HPSE2: variants seen among roughly 807,000 people sequenced by gnomAD.
HPSE2 encodes the protein inactive heparanase-2.
HPSE2 carries 38 observed loss-of-function variants against 60.5 expected under a neutral mutation model. The ratio of observed to expected loss-of-function variants is 0.63; its 90% CI spans 0.48 to 0.82. The LOEUF is 0.82. HPSE2 is among the 40% of genes least tolerant of loss of function. HPSE2 has a pLI of 0.00. For synonymous variants in HPSE2, 295 were observed against 293.2 expected, an observed-to-expected ratio of 1.01 and a Z score of -0.06; for missense variants, 713 against 740.4, an observed-to-expected ratio of 0.96 and a Z score of 0.43.
intron 3 of HPSE2, among the ~76,000 whole-genome samples, chr10:98,895,083 A>C (rs1412261378): frequency 6.6e-6 from 1 of 152,148 alleles, no homozygotes; most frequent in Non-Finnish European, 1.5e-5. Flanking sequence ...AGTTTAAAAA[A>C]AATTTAGGAG....
At chr10:99,151,015 A>C (rs1846240763) in intron 2 of HPSE2, among the ~76,000 whole-genome samples, 1 of 152,188 alleles carries the variant, frequency 6.6e-6, no homozygotes, top group Non-Finnish European at 1.5e-5. Context: ...CTAAAAAATA[A>C]AAATAAAAAT....
chr10:98,741,092 T>C (rs1477814696), intron 4 of HPSE2, among the ~76,000 whole-genome samples: 1 of 152,162 alleles, frequency 6.6e-6, no homozygotes, highest in Non-Finnish European at 1.5e-5. Flanking sequence ...TTAATAATCA[T>C]TTATTATTTA....
At chr10:98,694,580 A>C (rs1005294239) in intron 5 of HPSE2, among the ~76,000 whole-genome samples, 1 of 152,132 alleles carries the variant, frequency 6.6e-6, no homozygotes, top group Non-Finnish European at 1.5e-5. Flanking sequence ...GGTAAACCAG[A>C]CTTGGTTCCG....
chr10:98,790,005 A>G (rs1950621860), intron 3 of HPSE2, among the ~76,000 whole-genome samples: 2 of 152,160 alleles, frequency 1.3e-5, no homozygotes, highest in South Asian at 4.2e-4. Flanking sequence ...AGGCTGAGTC[A>G]GGATAGAGTC....
intron 3 of HPSE2, among the ~76,000 whole-genome samples, chr10:99,039,316 TAA>T (rs976519999): frequency 3.4e-4 from 51 of 152,196 alleles, no homozygotes; most frequent in African/African-American, 1.2e-3. Context: ...TACATAGATC[TAA>T]GTTTTCACTC....
At chr10:98,460,749 C>A (rs572533668) in intron 11 of HPSE2, among the ~76,000 whole-genome samples, 5 of 152,324 alleles carry the variant, frequency 3.3e-5, no homozygotes, top group Non-Finnish European at 5.9e-5. Context: ...TATAGCCAGC[C>A]ACTTTCACCC....
chr10:98,529,604 ATC>A (rs938015470), intron 9 of HPSE2, among the ~76,000 whole-genome samples: 2 of 152,088 alleles, frequency 1.3e-5, no homozygotes, highest in African/African-American at 4.8e-5. Context: ...TGCCTTTCTA[ATC>A]TCTGATATGA....
the HPSE2 span, among the ~76,000 whole-genome samples, chr10:99,287,643 G>A: frequency 1.3e-5 from 2 of 152,112 alleles, no homozygotes; most frequent in African/African-American, 4.8e-5. Flanking sequence ...TACACCTCCA[G>A]GATTATCACA....
At chr10:98,651,206 C>G (rs1318693033) in intron 6 of HPSE2, among the ~76,000 whole-genome samples, 1 of 152,178 alleles carries the variant, frequency 6.6e-6, no homozygotes, top group Non-Finnish European at 1.5e-5. Flanking sequence ...AAAGTTAGCT[C>G]TCACCATATA....
chr10:98,606,931 C>T (rs1010778018), intron 9 of HPSE2, among the ~76,000 whole-genome samples: 1 of 152,098 alleles, frequency 6.6e-6, no homozygotes, highest in South Asian at 2.1e-4. Flanking sequence ...TTAATGTTTG[C>T]CAATATAGTC....
intron 3 of HPSE2, among the ~76,000 whole-genome samples, chr10:99,070,413 ATAC>A (rs1842751076): frequency 6.6e-6 from 1 of 152,224 alleles, no homozygotes; most frequent in Non-Finnish European, 1.5e-5. Flanking sequence ...CTGCAGTGAG[ATAC>A]TACTACCTAT....
the HPSE2 span, among the ~76,000 whole-genome samples, chr10:99,274,871 A>T: frequency 6.6e-6 from 1 of 152,258 alleles, no homozygotes; most frequent in East Asian, 1.9e-4. Flanking sequence ...TCTGGGAAAT[A>T]TACTTCGCCA....
chr10:99,002,483 T>C (rs1956799188), intron 3 of HPSE2, among the ~76,000 whole-genome samples: 1 of 152,122 alleles, frequency 6.6e-6, no homozygotes, highest in African/African-American at 2.4e-5. Flanking sequence ...TAGTGACTTA[T>C]AACCAAATCT....
intron 9 of HPSE2, among the ~76,000 whole-genome samples, chr10:98,573,487 G>A (rs1944558111): frequency 6.6e-6 from 1 of 152,132 alleles, no homozygotes; most frequent in Non-Finnish European, 1.5e-5. Flanking sequence ...GTTGCTTGTT[G>A]CTCAGGCCCA....
intron 7 of HPSE2, among the ~76,000 whole-genome samples, chr10:98,631,107 T>C (rs1031312484): frequency 6.6e-6 from 1 of 152,218 alleles, no homozygotes; most frequent in Non-Finnish European, 1.5e-5. Context: ...CTTTTTATCA[T>C]TGTGTTCTGG....
chr10:98,788,996 C>CA (rs1950597292), intron 3 of HPSE2, among the ~76,000 whole-genome samples: 1 of 151,852 alleles, frequency 6.6e-6, no homozygotes, highest in Non-Finnish European at 1.5e-5. Flanking sequence ...ATCCTTCTCA[C>CA]TTTTTTTTTC....
At chr10:98,825,169 T>C (rs1951514504) in intron 3 of HPSE2, among the ~76,000 whole-genome samples, 1 of 152,312 alleles carries the variant, frequency 6.6e-6, no homozygotes, top group East Asian at 1.9e-4. Context: ...CAAGAAGGTT[T>C]AATGTTCTTT....
chr10:99,021,086 C>T (rs1957251591), intron 3 of HPSE2, among the ~76,000 whole-genome samples: 1 of 152,176 alleles, frequency 6.6e-6, no homozygotes, highest in Admixed American at 6.5e-5. Flanking sequence ...CTGATCCCTC[C>T]ATTAAAAGCT....
intron 9 of HPSE2, among the ~76,000 whole-genome samples, chr10:98,511,273 C>A (rs1012913158): frequency 6.6e-6 from 1 of 151,896 alleles, no homozygotes; most frequent in East Asian, 1.9e-4. Flanking sequence ...GCCTTAGCCT[C>A]CAGAGTAGCT....
Sources: gnomAD v4.1 joint callset for allele counts (sites outside exome capture counted in the v4.1 genomes callset) on GRCh38, gnomAD v4.1.1 for gene constraint, MANE v1.5 for transcripts, NCBI Gene and HGNC (gene_info 2026-07-23, HGNC 2026-07-21) for gene names.